TBC1D12: variants seen among roughly 807,000 people sequenced by gnomAD.
TBC1D12 encodes the protein TBC1 domain family, member 12.
In TBC1D12, 56 loss-of-function variants were observed where a neutral mutation model predicts 86.7. The observed-to-expected ratio is 0.65, with a 90% confidence interval of 0.52 to 0.81. The LOEUF (loss-of-function observed/expected upper bound fraction) is 0.81, where lower values mean the gene tolerates loss of function less well. Among genes scored for constraint, TBC1D12 ranks in the 30% least tolerant of loss-of-function variants. The pLI is 0.00. For synonymous variants in TBC1D12, 421 were observed against 411.7 expected (o/e 1.02, Z -0.27); for missense variants, 1,023 against 1,038.8 (o/e 0.98, Z 0.21).
chr10:94,408,138 C>T (rs1325411684), intron 1 of TBC1D12, among the ~76,000 whole-genome samples: 1 of 152,170 alleles, frequency 6.6e-6, no homozygotes, highest in Non-Finnish European at 1.5e-5. Context: ...GGCATAGTTA[C>T]TGTTTTTAAA....
At chr10:94,419,703 A>G (rs921906845) in intron 1 of TBC1D12, among the ~76,000 whole-genome samples, 4 of 152,186 alleles carry the variant, frequency 2.6e-5, no homozygotes, top group Non-Finnish European at 5.9e-5. Context: ...AGCAGCTCAT[A>G]TAGAATAAAC....
chr10:94,402,566 G>C lies in TBC1D12; in HGVS notation c.-48G>C. 1.2e-6 allele frequency: 2 copies of C among 1,600,746 alleles called. No homozygotes were observed. The highest frequency in any genetic ancestry group is 1.7e-5 in the Admixed American group (1 of 58,706). ...AGAGCTGTTCTCTGGCCAAGCCTGC[G>C]CCTGTAGTCCTTCTTTGCCTCCTGG... is the stretch of plus-strand genomic sequence containing the variant. On this transcript the variant is annotated 5_prime_UTR_variant, in exon 1 of 13. Coordinates refer to ENST00000225235, the MANE Select transcript of TBC1D12 (RefSeq NM_015188.2).
chr10:94,527,476 A>C (rs1842323422), intron 11 of TBC1D12, among the ~76,000 whole-genome samples: 1 of 147,756 alleles, frequency 6.8e-6, no homozygotes, highest in South Asian at 2.1e-4. Flanking sequence ...AATAGTTTGC[A>C]GATATTTTTT....
chr10:94,415,074 A>G (rs928839359), intron 1 of TBC1D12, among the ~76,000 whole-genome samples: 5 of 152,210 alleles, frequency 3.3e-5, no homozygotes, highest in Non-Finnish European at 5.9e-5. Flanking sequence ...AATTTTTCCT[A>G]CAAGTACCAG....
rs752923280 is a variant in TBC1D12 at position 94,522,327 on chromosome 10, G to T, written c.1891-17G>T. Reference sequence around the variant, plus strand: ...GACTATATACTTTCATAATTTTATTGATTTTTTAATCTTTAGATGTTGAAA... The same window carrying T: ...GACTATATACTTTCATAATTTTATTTATTTTTTAATCTTTAGATGTTGAAA... On this transcript the variant is annotated splice_polypyrimidine_tract_variant and intron_variant, in intron 10 of 12. Transcript: ENST00000225235. The T allele has an allele frequency of 3.3e-5, 42 of 1,279,608 alleles. No homozygotes were observed. The highest frequency in any genetic ancestry group is 3.8e-5 in the Non-Finnish European group (35 of 926,828). The allele number at this position is 1,279,608 out of a possible 1,614,324, so 79.3% of individuals were successfully genotyped here. A position where few individuals can be genotyped will look rare whatever the true frequency, so the allele number is the denominator to read the frequency against.
intron 1 of TBC1D12, among the ~76,000 whole-genome samples, chr10:94,406,055 C>A (rs559221861): frequency 6.6e-6 from 1 of 152,156 alleles, no homozygotes; most frequent in Non-Finnish European, 1.5e-5. Context: ...AGGTGATCCA[C>A]CCGCCTCAGC....
At chr10:94,469,869 G>A (rs569883547) in intron 2 of TBC1D12, among the ~76,000 whole-genome samples, 126 of 152,254 alleles carry the variant, frequency 8.3e-4, no homozygotes, top group African/African-American at 2.7e-3. Context: ...CTGCCCTGAT[G>A]TTCAGTATTG....
intron 2 of TBC1D12, among the ~76,000 whole-genome samples, chr10:94,457,986 A>G (rs976851551): frequency 9.9e-5 from 15 of 152,132 alleles, no homozygotes; most frequent in African/African-American, 3.6e-4. Context: ...TTTTACTCAC[A>G]TATGAGCATA....
chr10:94,453,240 G>A (rs937427983), intron 2 of TBC1D12, among the ~76,000 whole-genome samples: 1 of 152,124 alleles, frequency 6.6e-6, no homozygotes, highest in Non-Finnish European at 1.5e-5. Context: ...CAGAGCAGAA[G>A]TTTTAAATTT....
At chr10:94,493,203 C>G (rs2056269500) in intron 3 of TBC1D12, among the ~76,000 whole-genome samples, 162 bp from the exon 4 acceptor site, 1 of 152,078 alleles carries the variant, frequency 6.6e-6, no homozygotes, top group Non-Finnish European at 1.5e-5. Flanking sequence ...GATTCTGATT[C>G]TGTTCTAAAA....
Position 94,533,109 on chromosome 10 carries a change from A to G in TBC1D12, c.*13A>G. 1.3e-6 allele frequency: 2 copies of G among 1,552,598 alleles called. No individual in the cohort carries two copies. The highest frequency in any genetic ancestry group is 1.8e-6 in the Non-Finnish European group (2 of 1,140,664). On this transcript the variant is annotated 3_prime_UTR_variant, in exon 13 of 13. Transcript: ENST00000225235. ...TTTGAAAAGCTAGTCTTCAAAATTG[A>G]CAGACTAACTGACATAGAAAAAGTG...
intron 2 of TBC1D12, chr10:94,447,634 G>A (rs2055488933): frequency 1.0e-6 from 1 of 985,184 alleles, no homozygotes. Flanking sequence ...TTCTCTTGCA[G>A]ATGTGAAATT....
intron 2 of TBC1D12, among the ~76,000 whole-genome samples, chr10:94,471,129 A>C (rs2055899131): frequency 6.6e-6 from 1 of 152,036 alleles, no homozygotes; most frequent in Admixed American, 6.5e-5. Context: ...TACAAAAATT[A>C]GCCGGGCATG....
intron 1 of TBC1D12, among the ~76,000 whole-genome samples, chr10:94,411,013 G>GA (rs746383443): frequency 1.6e-3 from 239 of 151,358 alleles, no homozygotes; most frequent in East Asian, 0.011. Context: ...AGAGAAAGCT[G>GA]AAAAAAAACA....
At chr10:94,424,012 T>C (rs1463064470) in intron 1 of TBC1D12, among the ~76,000 whole-genome samples, 1 of 152,198 alleles carries the variant, frequency 6.6e-6, no homozygotes, top group Non-Finnish European at 1.5e-5. Flanking sequence ...CCCTAAAAAA[T>C]ATAACTATTT....
rs902402666 is a variant in TBC1D12, at chr10:94,472,926, G to A, written c.1096-1742G>A. ...TAAGCAGAGCATAGATATAGTAGAT[G>A]GAAGGGAAGATGCAGAACTAAAGAT... On this transcript the variant is annotated intron_variant, in intron 2 of 12. Transcript: ENST00000225235. Among the ~76,000 whole-genome samples the A allele has an allele frequency of 8.5e-5, 13 of 152,250 alleles. No individual in the cohort carries two copies. In the East Asian group the frequency reaches 1.2e-3, roughly 14 times the overall value.
intron 1 of TBC1D12, among the ~76,000 whole-genome samples, chr10:94,404,894 A>G (rs543981483): frequency 2.0e-5 from 3 of 152,058 alleles, no homozygotes; most frequent in Non-Finnish European, 4.4e-5. Flanking sequence ...TAAAATATAC[A>G]AAAATTAGCC....
intron 3 of TBC1D12, among the ~76,000 whole-genome samples, chr10:94,486,314 AT>A (rs983337553): frequency 6.6e-6 from 1 of 151,540 alleles, no homozygotes; most frequent in African/African-American, 2.4e-5. Flanking sequence ...TGCCCAGCTA[AT>A]TTTTGGGTTT....
intron 9 of TBC1D12, 91 bp from the exon 10 acceptor site, chr10:94,521,864 T>C (rs1842162301): frequency 1.7e-6 from 2 of 1,170,782 alleles, no homozygotes; most frequent in African/African-American, 3.1e-5. Context: ...TACTTTGTAA[T>C]GTCACTGTAA....
Sources: gnomAD v4.1 joint callset for allele counts (sites outside exome capture counted in the v4.1 genomes callset) on GRCh38, gnomAD v4.1.1 for gene constraint, MANE v1.5 for transcripts, NCBI Gene and HGNC (gene_info 2026-07-23, HGNC 2026-07-21) for gene names.